MLST8: variants seen among roughly 807,000 people sequenced by gnomAD.
MLST8 encodes the protein target of rapamycin complex subunit LST8.
MLST8 carries 20 observed loss-of-function variants against 41.3 expected under a neutral mutation model. That is an observed-to-expected ratio of 0.48 (90% confidence interval 0.34 to 0.70). The LOEUF (loss-of-function observed/expected upper bound fraction) is 0.70. Among genes scored for constraint, MLST8 ranks in the 30% least tolerant of loss-of-function variants. The probability of loss-of-function intolerance (pLI) is 0.01; values close to 1 mark genes in which losing one functional copy is unlikely to be tolerated. For missense variants in MLST8, 422 were observed against 454.3 expected (o/e 0.93, Z 0.65); for synonymous variants, 243 against 183.0 (o/e 1.33, Z -2.65).
chr16:2,208,870 T>C lies in MLST8; in HGVS notation c.974T>C (p.Leu325Pro). 2 of 1,613,318 alleles carry C rather than the reference T, an allele frequency of 1.2e-6. No individual in the cohort carries two copies. The highest frequency in any genetic ancestry group is 8.5e-7 in the Non-Finnish European group (1 of 1,179,858). Residue 325 changes from leucine (L) to proline (P), a missense_variant, in exon 9 of 9, where the codon CTG (leucine) becomes CCG (proline). Leu to Pro is a moderately conservative substitution (Grantham distance 98). Transcript: ENST00000569417. The part of the protein sequence containing the change: ...VVCLAFNDSV[L>P]G ...TGCCTGGCCTTCAATGACAGTGTGCTGGGCTAGCCTGTGACCCCTCGGGAC... is the reference window on the plus strand; with the variant it reads ...TGCCTGGCCTTCAATGACAGTGTGCCGGGCTAGCCTGTGACCCCTCGGGAC...
Position 2,208,329 on chromosome 16 carries a change from C to T in MLST8, c.693C>T (p.Asp231=). ...CCCTGCAGTGTCGCTTCAGCCCCGA[C>T]TCCACGTGCGTGCAGGGCCTGCTGG... is the stretch of plus-strand genomic sequence containing the variant. The part of the protein sequence containing the change: ...RYALQCRFSP[D]STLLATCSAD... The change falls in exon 7 of 9, where the codon GAC becomes GAT. Residue 231 remains aspartate, a synonymous_variant. Coordinates refer to ENST00000569417, the MANE Select transcript of MLST8 (RefSeq NM_022372.6). 1 of 1,606,608 alleles carries T rather than the reference C, an allele frequency of 6.2e-7. No homozygotes were observed. Among genetic ancestry groups the T allele is most frequent in the South Asian group, 1.1e-5 (1 of 90,942 alleles).
intron 1 of MLST8, 198 bp from the exon 2 acceptor site, chr16:2,205,833 G>T: frequency 8.3e-7 from 1 of 1,201,774 alleles, no homozygotes; most frequent in Non-Finnish European, 1.0e-6. Flanking sequence ...CGCCGTGTGC[G>T]TGGGGCGGGG....
Position 2,209,407 on chromosome 16 carries a change from C to G in MLST8, c.*530C>G, listed in dbSNP as rs777961697. 1.9e-5 allele frequency: 31 copies of G among 1,613,674 alleles called. No homozygotes were observed. The highest frequency in any genetic ancestry group is 2.5e-5 in the Non-Finnish European group (30 of 1,179,980). On this transcript the variant is annotated 3_prime_UTR_variant, in exon 9 of 9. Coordinates refer to ENST00000569417, the MANE Select transcript of MLST8 (RefSeq NM_022372.6). ...AGCAGACCGACACGCAGATGTTGCT[C>G]GGGAAGCAGATGTCGATGCAGAGAT...
chr16:2,207,610 C>T (rs1476158132), intron 6 of MLST8: 14 of 516,088 alleles, frequency 2.7e-5, no homozygotes, highest in African/African-American at 3.8e-5. Flanking sequence ...CTCCTGGTCC[C>T]AGTCACCCTT....
At chr16:2,207,454 C>T in intron 6 of MLST8, 109 bp downstream of exon 6, 2 of 1,392,606 alleles carry the variant, frequency 1.4e-6, no homozygotes, top group Non-Finnish European at 2.0e-6. Context: ...CCTGCTTTCC[C>T]CATCCCGGGC....
Position 2,209,318 on chromosome 16 carries a change from G to T in MLST8, c.*441G>T. 1 of 1,568,942 alleles carries T rather than the reference G, an allele frequency of 6.4e-7. No individual in the cohort carries two copies. The highest frequency in any genetic ancestry group is 8.7e-7 in the Non-Finnish European group (1 of 1,145,100). On this transcript the variant is annotated 3_prime_UTR_variant, in exon 9 of 9. Transcript: ENST00000569417. ...CTCCCTGGTGCAGGTGGCCTGGCCA[G>T]CCCACTGGATTGGGGACGGGCCAGG...
rs1237182624 is a variant in MLST8 at position 2,208,822 on chromosome 16, G to T, written c.926G>T (p.Gly309Val). 1 of 1,613,886 alleles carries T rather than the reference G, an allele frequency of 6.2e-7. No homozygotes were observed. The highest frequency in any genetic ancestry group is 1.7e-5 in the Admixed American group (1 of 60,034). The stretch of plus-strand genomic sequence containing the variant: ...ACTGGAGAGATCAAGAGAGAGTATG[G>T]CGGCCACCAGAAGGCTGTTGTCTGC... ...VETGEIKREY[G>V]GHQKAVVCLA... is the part of the protein sequence containing the mutation. Residue 309 changes from glycine (G) to valine (V), a missense_variant, in exon 9 of 9, where the codon GGC (glycine) becomes GTC (valine). Physicochemically the swap from Gly to Val is moderately radical, Grantham distance 109. Transcript: ENST00000569417.
At position 2,209,272 on chromosome 16, in the gene MLST8, T is replaced by C; in HGVS notation, c.*395T>C. ...ACCATGGCCAGGTGGAAGGGTTTAT[T>C]AGTCCCTGCCAGCAGCTGTCCTCCC... On this transcript the variant is annotated 3_prime_UTR_variant, in exon 9 of 9. Coordinates refer to ENST00000569417, the MANE Select transcript of MLST8 (RefSeq NM_022372.6). 1.6e-6 allele frequency: 2 copies of C among 1,220,042 alleles called. No individual in the cohort carries two copies. Among genetic ancestry groups the C allele is most frequent in the Non-Finnish European group, 1.2e-6 (1 of 849,890 alleles). The allele number at this position is 1,220,042 out of a possible 1,614,324, so 75.6% of individuals were successfully genotyped here.
chr16:2,209,306 G>A lies in MLST8; in HGVS notation c.*429G>A. ...CCAGCAGCTGTCCTCCCTGGTGCAG[G>A]TGGCCTGGCCAGCCCACTGGATTGG... On this transcript the variant is annotated 3_prime_UTR_variant, in exon 9 of 9. Coordinates refer to ENST00000569417, the MANE Select transcript of MLST8 (RefSeq NM_022372.6). 1 of 1,497,888 alleles carries A rather than the reference G, an allele frequency of 6.7e-7. No individual in the cohort carries two copies. Among genetic ancestry groups the A allele is most frequent in the Non-Finnish European group, 9.2e-7 (1 of 1,084,680 alleles). The allele number at this position is 1,497,888 out of a possible 1,614,324, so 92.8% of individuals were successfully genotyped here.
chr16:2,205,683 T>C (rs2093267247), intron 1 of MLST8, 171 bp downstream of exon 1: 2 of 991,520 alleles, frequency 2.0e-6, no homozygotes, highest in African/African-American at 1.7e-5. Flanking sequence ...GCTGGCCTGC[T>C]ACGCATGCGC....
Position 2,209,228 on chromosome 16 carries a change from G to T in MLST8, c.*351G>T. ...TCCCTGCCCGCGTTTCAGGGCCTCG[G>T]TCCATAGAGAACACCACCACCATGG... is the stretch of plus-strand genomic sequence containing the variant. On this transcript the variant is annotated 3_prime_UTR_variant, in exon 9 of 9. Coordinates refer to ENST00000569417, the MANE Select transcript of MLST8 (RefSeq NM_022372.6). 2.3e-6 allele frequency: 2 copies of T among 863,482 alleles called. No individual in the cohort carries two copies. Among genetic ancestry groups the T allele is most frequent in the Non-Finnish European group, 3.6e-6 (2 of 561,180 alleles). The allele number at this position is 863,482 out of a possible 1,614,324, so 53.5% of individuals were successfully genotyped here.
At chr16:2,207,438 C>T (rs2093314099) in intron 6 of MLST8, 93 bp downstream of exon 6, 1 of 1,474,068 alleles carries the variant, frequency 6.8e-7, no homozygotes, top group South Asian at 1.3e-5. Flanking sequence ...CCCTTAGCGG[C>T]CCCCTCCTGC....
chr16:2,206,303 C>T (rs959713179), intron 2 of MLST8, 55 bp from the exon 3 acceptor site: 2 of 1,609,800 alleles, frequency 1.2e-6, no homozygotes, highest in Non-Finnish European at 8.5e-7. Flanking sequence ...TGGTGGAGGC[C>T]TGGGGGGCCC....
In MLST8 at chr16:2,207,265, C is replaced by G; in HGVS notation, c.493C>G (p.Leu165Val). The G allele has an allele frequency of 1.9e-6, 3 of 1,614,206 alleles. No homozygotes were observed. The highest frequency in any genetic ancestry group is 2.5e-6 in the Non-Finnish European group (3 of 1,180,030). ...WDLKTDHNEQ[L>V]IPEPEVSITS... The stretch of plus-strand genomic sequence containing the variant: ...CTTGAAAACAGACCACAACGAGCAG[C>G]TGATCCCTGAGCCCGAGGTCTCCAT... Residue 165 changes from leucine to valine, a missense_variant, in exon 6 of 9, where the codon CTG becomes GTG. Coordinates refer to ENST00000569417, the MANE Select transcript of MLST8 (RefSeq NM_022372.6).
rs1409310942 is a variant in MLST8, at chr16:2,206,020, C to A, written c.-55-11C>A. On this transcript the variant is annotated splice_polypyrimidine_tract_variant and intron_variant, in intron 1 of 8. Coordinates refer to ENST00000569417, the MANE Select transcript of MLST8 (RefSeq NM_022372.6). ...GAGTGTCTTCTAAGTACTTCACATC[C>A]TTCTCTGCAGATGCTCTGACCTTTG... The A allele has an allele frequency of 6.6e-7, 1 of 1,520,872 alleles. No homozygotes were observed. Among genetic ancestry groups the A allele is most frequent in the Admixed American group, 2.1e-5 (1 of 46,670 alleles). 94.2% of individuals were successfully genotyped at this position (1,520,872 alleles called of 1,614,324 possible).
rs1208833722 is a variant in MLST8 at position 2,206,147 on chromosome 16, A to G, written c.62A>G (p.Asp21Gly). 6.2e-7 allele frequency: 1 copy of G among 1,612,116 alleles called. No homozygotes were observed. Among genetic ancestry groups the G allele is most frequent in the South Asian group, 1.1e-5 (1 of 91,014 alleles). ...DPVILATAGY[D>G]HTVRFWQAHS... ...GTCATCCTGGCCACTGCAGGCTACG[A>G]CCACACCGTGCGCTTCTGGCAGGCC... Residue 21 changes from aspartate to glycine, a missense_variant, in exon 2 of 9, where the codon GAC becomes GGC. Physicochemically the swap from Asp to Gly is moderately conservative, Grantham distance 94. Coordinates refer to ENST00000569417, the MANE Select transcript of MLST8 (RefSeq NM_022372.6).
At chr16:2,207,944 C>T (rs1376044258) in intron 6 of MLST8, 4 of 389,908 alleles carry the variant, frequency 1.0e-5, no homozygotes, top group Admixed American at 8.5e-5. Flanking sequence ...CTCCTGTCTA[C>T]TTCCGTTGGC....
rs112805476 is a variant in MLST8 at position 2,205,806 on chromosome 16, G to C, written c.-55-225G>C. On this transcript the variant is annotated intron_variant, in intron 1 of 8. Coordinates refer to ENST00000569417, the MANE Select transcript of MLST8 (RefSeq NM_022372.6). ...TCCCCCCTGCCGGCTGCGGAGGTGG[G>C]GGGGGGACGGCGCCCCCGCCGTGTG... is the stretch of plus-strand genomic sequence containing the variant. The C allele has an allele frequency of 3.7e-4, 410 of 1,109,998 alleles. 2 individuals are homozygous for C. The highest frequency in any genetic ancestry group is 1.1e-3 in the Middle Eastern group (3 of 2,706). The allele number at this position is 1,109,998 out of a possible 1,614,324, so 68.8% of individuals were successfully genotyped here. A position where few individuals can be genotyped will look rare whatever the true frequency, so the allele number is the denominator to read the frequency against.
rs768565895 is a variant in MLST8, at chr16:2,208,778, C to T, written c.882C>T (p.Ala294=). The T allele has an allele frequency of 1.2e-6, 2 of 1,614,032 alleles. No individual in the cohort carries two copies. The highest frequency in any genetic ancestry group is 1.7e-6 in the Non-Finnish European group (2 of 1,179,926). The change falls in exon 9 of 9, where the codon GCC becomes GCT. Residue 294 remains alanine, a synonymous_variant. Transcript: ENST00000569417. ...YIVTASSDNL[A]RLWCVETGEI... is the part of the protein sequence containing the mutation. Reference sequence around the variant, plus strand: ...CTCCAGCTTCCTCGGACAACCTGGCCCGGCTCTGGTGTGTGGAGACTGGAG... The same window carrying T: ...CTCCAGCTTCCTCGGACAACCTGGCTCGGCTCTGGTGTGTGGAGACTGGAG...
Sources: allele counts gnomAD v4.1 joint callset, GRCh38; gene constraint gnomAD v4.1.1; transcripts MANE v1.5; gene names NCBI Gene and HGNC (gene_info 2026-07-23, HGNC 2026-07-21).